The following RECQL variants were observed in gnomAD, a reference collection of about 807,000 sequenced individuals.
RECQL encodes ATP-dependent DNA helicase Q1.
In RECQL, 73 loss-of-function variants were observed where a neutral mutation model predicts 75.8. The observed-to-expected ratio is 0.96, with a 90% confidence interval of 0.80 to 1.17. The LOEUF is 1.17. Among genes scored for constraint, RECQL ranks in the 50% most tolerant of loss-of-function variants. RECQL has a pLI of 0.00. For missense variants in RECQL, 699 were observed against 772.1 expected (o/e 0.91, Z 1.12); for synonymous variants, 248 against 254.4 (o/e 0.97, Z 0.24).
At position 21,473,615 on chromosome 12, in the gene RECQL, ATGT is replaced by A. The variant is rs766294304; in HGVS notation, c.1380_1382del (p.Gln460del). ...CTTCTGAGTTCCATACTTCATCAAA[ATGT>A]TGAGCCATCAACACACGACGACATC... On this transcript the variant is annotated inframe_deletion, in exon 12 of 15. Coordinates refer to ENST00000444129, the MANE Select transcript of RECQL (RefSeq NM_002907.4). 1 of 1,612,796 alleles carries A rather than the reference ATGT, an allele frequency of 6.2e-7. No individual in the cohort carries two copies. Among genetic ancestry groups the A allele is most frequent in the Non-Finnish European group, 8.5e-7 (1 of 1,179,256 alleles).
rs1942970368 is a variant in RECQL at position 21,471,702 on chromosome 12, G to A, written c.1448-55C>T. 7 of 1,392,022 alleles carry A rather than the reference G, an allele frequency of 5.0e-6. No individual in the cohort carries two copies. The South Asian group carries it at 7.0e-5, about 14-fold the overall frequency. The allele number at this position is 1,392,022 out of a possible 1,614,324, so 86.2% of individuals were successfully genotyped here. The stretch of plus-strand genomic sequence containing the variant: ...ATTAGGATTTAGAAATGAGGGCAAA[G>A]ATAGGCTATCTTAAGTAGTTAAACT... On this transcript the variant is annotated intron_variant, in intron 12 of 14. Coordinates refer to ENST00000444129, the MANE Select transcript of RECQL (RefSeq NM_002907.4).
intron 4 of RECQL, among the ~76,000 whole-genome samples, chr12:21,489,871 T>G (rs188695618): frequency 2.0e-5 from 3 of 152,234 alleles, no homozygotes; most frequent in Admixed American, 2.0e-4. Flanking sequence ...AACTCCTCCT[T>G]TAGGGAGAGA....
In RECQL at chr12:21,471,728, G is replaced by A; in HGVS notation, c.1448-81C>T. 4.5e-6 allele frequency: 5 copies of A among 1,111,288 alleles called. No individual in the cohort carries two copies. In the South Asian group the frequency reaches 6.5e-5, roughly 15 times the overall value. 68.8% of individuals were successfully genotyped at this position (1,111,288 alleles called of 1,614,324 possible). ...ATAGGCTATCTTAAGTAGTTAAACTGGTTTAAAGCTGGTTATCAATGTGAG... is the reference window on the plus strand; with the variant it reads ...ATAGGCTATCTTAAGTAGTTAAACTAGTTTAAAGCTGGTTATCAATGTGAG... On this transcript the variant is annotated intron_variant, in intron 12 of 14. Transcript: ENST00000444129.
rs745337984 is a variant in RECQL, at chr12:21,475,487, G to C, written c.1197C>G (p.Tyr399Ter). Residue 399 changes from tyrosine to a stop codon, truncating the protein, a stop_gained, in exon 10 of 15, where the codon TAC (tyrosine) becomes TAG (stop). Transcript: ENST00000444129. LOFTEE classifies it high-confidence loss of function. ...ACATACCTGCACGTCCACTCTCTTG[G>C]TAATAATTTTCCATGGATTTACTCA... ...HSMSKSMENYYQESGRAGRDD... is the reference protein window; with the variant it reads ...HSMSKSMENY The C allele has an allele frequency of 6.2e-7, 1 of 1,609,898 alleles. No homozygotes were observed. The highest frequency in any genetic ancestry group is 1.3e-5 in the African/African-American group (1 of 74,718).
intron 4 of RECQL, 42 bp downstream of exon 4, chr12:21,490,157 A>G (rs778809813): frequency 1.7e-6 from 2 of 1,154,092 alleles, no homozygotes; most frequent in South Asian, 3.3e-5. Context: ...GTATGATGAC[A>G]AAGCACTTCT....
At chr12:21,500,797 T>G (rs1358735492) in intron 1 of RECQL, among the ~76,000 whole-genome samples, 1 of 152,202 alleles carries the variant, frequency 6.6e-6, no homozygotes, top group East Asian at 1.9e-4. Flanking sequence ...TCTACCCTTA[T>G]GAAAAGACAC....
At chr12:21,483,008 G>A (rs1943220687) in intron 6 of RECQL, among the ~76,000 whole-genome samples, 1 of 152,076 alleles carries the variant, frequency 6.6e-6, no homozygotes, top group Non-Finnish European at 1.5e-5. Flanking sequence ...AAATGTGAAG[G>A]AATACCTAGA....
rs1333579466 is a variant in RECQL at position 21,471,005 on chromosome 12, A to T, written c.1761T>A (p.Thr587=). The change falls in exon 14 of 15, where the codon ACT becomes ACA. Residue 587 remains threonine (T), a synonymous_variant. Transcript: ENST00000444129. ...NLLNNEAHAI[T]MQVTKSTQNS... ...TCTGCGTGGACTTTGTCACTTGCAT[A>T]GTAATAGCATGTGCCTCATTGTTCA... 1 of 1,574,730 alleles carries T rather than the reference A, an allele frequency of 6.4e-7. No homozygotes were observed. The highest frequency in any genetic ancestry group is 8.6e-7 in the Non-Finnish European group (1 of 1,164,650).
At position 21,477,563 on chromosome 12, in the gene RECQL, TACTC is replaced by T. The variant is rs1314718265; in HGVS notation, c.867+236_867+239del. ...AGAAATTTAACAAAGATATATGACT[TACTC>T]ATATGTTTTATAAAAAGTATCACCT... On this transcript the variant is annotated intron_variant, in intron 7 of 14. Transcript: ENST00000444129. Among the ~76,000 whole-genome samples, 10 of 152,314 alleles carry T rather than the reference TACTC, an allele frequency of 6.6e-5. No homozygotes were observed. The East Asian group carries it at 1.9e-3, about 29-fold the overall frequency.
intron 2 of RECQL, among the ~76,000 whole-genome samples, chr12:21,496,461 C>T (rs918903759): frequency 6.6e-6 from 1 of 152,236 alleles, no homozygotes; most frequent in Admixed American, 6.5e-5. Context: ...TATATCTACT[C>T]TCTAGCCCTA....
intron 7 of RECQL, 75 bp from the exon 8 acceptor site, chr12:21,477,067 G>C: frequency 1.1e-6 from 1 of 950,422 alleles, no homozygotes; most frequent in Non-Finnish European, 1.6e-6. Context: ...CAACTTTCAG[G>C]ATGCAGTTCT....
chr12:21,476,829 T>C, intron 8 of RECQL, 82 bp downstream of exon 8: 1 of 757,898 alleles, frequency 1.3e-6, no homozygotes, highest in Non-Finnish European at 2.1e-6. Context: ...GTTATTCAGT[T>C]ATCAGTATAA....
chr12:21,494,052 T>G (rs577005555), intron 2 of RECQL, among the ~76,000 whole-genome samples: 1 of 152,320 alleles, frequency 6.6e-6, no homozygotes, highest in East Asian at 1.9e-4. Context: ...TGGCATCTGC[T>G]TCTTGTGAGG....
intron 2 of RECQL, 106 bp downstream of exon 2, chr12:21,499,448 GA>G (rs974989492): frequency 4.4e-5 from 48 of 1,094,654 alleles, no homozygotes; most frequent in Non-Finnish European, 6.1e-5. Context: ...TAAAAAAGCT[GA>G]AAAAAATCAT....
Position 21,501,382 on chromosome 12 carries a change from G to A in RECQL, c.-258C>T, listed in dbSNP as rs965999401. 5.2e-5 allele frequency: 8 copies of A among 152,788 alleles called. No individual in the cohort carries two copies. Among genetic ancestry groups the A allele is most frequent in the African/African-American group, 1.7e-4 (7 of 41,420 alleles). The allele number at this position is 152,788 out of a possible 1,614,324, so 9.5% of individuals were successfully genotyped here. On this transcript the variant is annotated 5_prime_UTR_variant, in exon 1 of 15. Transcript: ENST00000444129. ...ACAGACCGGCCTCGCCCTGCAGCAGGAAAGGGAAGGATGAAACAAAAAGCG... is the reference window on the plus strand; with the variant it reads ...ACAGACCGGCCTCGCCCTGCAGCAGAAAAGGGAAGGATGAAACAAAAAGCG...
intron 7 of RECQL, 101 bp from the exon 8 acceptor site, chr12:21,477,093 T>C: frequency 1.4e-6 from 1 of 714,948 alleles, no homozygotes. Context: ...GACCATAGTG[T>C]TTTTTTTCCT....
chr12:21,484,748 C>T (rs34453660), intron 5 of RECQL, among the ~76,000 whole-genome samples: 1,720 of 134,928 alleles, frequency 0.013, 15 homozygotes, highest in Non-Finnish European at 0.019. Context: ...TACATATATA[C>T]ATATTGATAT....
chr12:21,478,404 G>A (rs1229011418), intron 6 of RECQL, among the ~76,000 whole-genome samples: 1 of 151,994 alleles, frequency 6.6e-6, no homozygotes, highest in African/African-American at 2.4e-5. Flanking sequence ...CTATTTGGAG[G>A]AAACTGAAAA....
Position 21,474,992 on chromosome 12 carries a change from A to G in RECQL, c.1217-13T>C. The G allele has an allele frequency of 1.2e-6, 2 of 1,607,572 alleles. No individual in the cohort carries two copies. Among genetic ancestry groups the G allele is most frequent in the Non-Finnish European group, 1.7e-6 (2 of 1,176,374 alleles). On this transcript the variant is annotated splice_polypyrimidine_tract_variant and intron_variant, in intron 10 of 14. Coordinates refer to ENST00000444129, the MANE Select transcript of RECQL (RefSeq NM_002907.4). ...ATGTCATCTCGACCTGTGGTGTGAG[A>G]AACCTTGAGATTGCAGAATTACATT... is the stretch of plus-strand genomic sequence containing the variant.
Sources: gnomAD v4.1 joint callset for allele counts (sites outside exome capture counted in the v4.1 genomes callset) on GRCh38, gnomAD v4.1.1 for gene constraint, MANE v1.5 for transcripts, NCBI Gene and HGNC (gene_info 2026-07-23, HGNC 2026-07-21) for gene names.